Variants in EIPR1 observed in about 807,000 individuals in gnomAD.
EIPR1 encodes the protein EARP complex and GARP complex interacting protein 1, also known as EARP and GARP complex-interacting protein 1.
Under a neutral mutation model 48.1 loss-of-function variants are expected in EIPR1, and 25 were observed. That is an observed-to-expected ratio of 0.52 (90% CI 0.38 to 0.73). EIPR1 has a LOEUF of 0.73. Among genes scored for constraint, EIPR1 ranks in the 30% least tolerant of loss-of-function variants. The pLI is 0.00. For missense variants in EIPR1, 415 were observed against 506.2 expected, an observed-to-expected ratio of 0.82 and a Z score of 1.73; for synonymous variants, 204 against 201.9, an observed-to-expected ratio of 1.01 and a Z score of -0.09.
At chr2:3,202,029 C>T (rs985727497) in intron 5 of EIPR1, among the ~76,000 whole-genome samples, 3 of 152,124 alleles carry the variant, frequency 2.0e-5, no homozygotes, top group African/African-American at 7.2e-5. Context: ...CTCCAATTCC[C>T]GGGGTTCACG....
chr2:3,375,865 C>T (rs916837925), intron 1 of EIPR1, among the ~76,000 whole-genome samples: 1 of 152,212 alleles, frequency 6.6e-6, no homozygotes, highest in African/African-American at 2.4e-5. Context: ...AGAGCTAAAT[C>T]ACTGGTAGTT....
intron 5 of EIPR1, among the ~76,000 whole-genome samples, chr2:3,205,217 T>A (rs1251196751): frequency 3.3e-5 from 5 of 152,126 alleles, no homozygotes; most frequent in African/African-American, 1.2e-4. Flanking sequence ...CCCGTTCCCA[T>A]CCCATCCTCA....
intron 1 of EIPR1, among the ~76,000 whole-genome samples, chr2:3,355,629 T>C (rs1041034450): frequency 6.6e-6 from 1 of 151,930 alleles, no homozygotes; most frequent in East Asian, 1.9e-4. Flanking sequence ...CTGGGCAATA[T>C]AGCAAGACTC....
chr2:3,257,155 A>T, intron 4 of EIPR1, 144 bp downstream of exon 4: 2 of 1,064,804 alleles, frequency 1.9e-6, no homozygotes, highest in Non-Finnish European at 2.6e-6. Flanking sequence ...GACTAAAATT[A>T]AAAATCAAAT....
intron 4 of EIPR1, among the ~76,000 whole-genome samples, chr2:3,255,575 C>T (rs541926056): frequency 2.0e-4 from 30 of 152,342 alleles, no homozygotes; most frequent in African/African-American, 6.7e-4. Context: ...CCCATGTGGC[C>T]TGTCTTTGCA....
In EIPR1 at chr2:3,377,631, C is replaced by A; in HGVS notation, c.42+17G>T. ...CAGCCAGGCCGAGCAGCACCTGCCG[C>A]CCTCCCAGTGACCCACCTGGAACTC... On this transcript the variant is annotated intron_variant, in intron 1 of 8. Transcript: ENST00000382125. 1 of 1,566,868 alleles carries A rather than the reference C, an allele frequency of 6.4e-7. No homozygotes were observed. The highest frequency in any genetic ancestry group is 1.2e-5 in the South Asian group (1 of 85,252).
In EIPR1 at chr2:3,223,328, G is replaced by A. The variant is rs116598307; in HGVS notation, c.417-9080C>T. On this transcript the variant is annotated intron_variant, in intron 4 of 8. Transcript: ENST00000382125. ...CACATGCAACACATTGATCACCACC[G>A]GCACCCGGGTTCCTGGCCAGACTCT... 7.2e-3 allele frequency among the ~76,000 whole-genome samples: 1,100 copies of A among 152,144 alleles called. 14 individuals carry two copies. The highest frequency in any genetic ancestry group is 0.026 in the African/African-American group (1,060 of 41,508).
chr2:3,254,992 A>G (rs922223973), intron 4 of EIPR1, among the ~76,000 whole-genome samples: 4 of 152,196 alleles, frequency 2.6e-5, no homozygotes, highest in African/African-American at 4.8e-5. Context: ...TGTTACTCCT[A>G]TAACTATATG....
chr2:3,343,355 G>A (rs181234691), intron 2 of EIPR1, among the ~76,000 whole-genome samples: 35 of 152,320 alleles, frequency 2.3e-4, no homozygotes, highest in Middle Eastern at 3.4e-3. Context: ...GGCCGGCTCC[G>A]AAAACAAGCA....
intron 5 of EIPR1, among the ~76,000 whole-genome samples, chr2:3,203,903 A>T (rs1665134822): frequency 6.6e-6 from 1 of 152,232 alleles, no homozygotes; most frequent in Non-Finnish European, 1.5e-5. Context: ...ACATCCGACC[A>T]GCAGCAAGCC....
intron 5 of EIPR1, among the ~76,000 whole-genome samples, chr2:3,210,228 A>T (rs887083153): frequency 1.3e-5 from 2 of 152,208 alleles, no homozygotes; most frequent in African/African-American, 4.8e-5. Flanking sequence ...CCTACTAAAA[A>T]GAGGAAAAGA....
intron 2 of EIPR1, among the ~76,000 whole-genome samples, chr2:3,340,873 G>C (rs1323008481): frequency 1.3e-5 from 2 of 152,076 alleles, no homozygotes; most frequent in Non-Finnish European, 2.9e-5. Context: ...AAGATGGGTA[G>C]ATCACCTGAG....
At chr2:3,208,573 T>G (rs1223545530) in intron 5 of EIPR1, 1 of 1,550,592 alleles carries the variant, frequency 6.4e-7, no homozygotes, top group South Asian at 1.2e-5. Flanking sequence ...GGAAAAGTCC[T>G]TATTACCCTC....
chr2:3,220,678 A>AG (rs1416158358), intron 4 of EIPR1, among the ~76,000 whole-genome samples: 2 of 152,020 alleles, frequency 1.3e-5, no homozygotes, highest in East Asian at 3.9e-4. Context: ...ATTCACAGTG[A>AG]CTCAGGAACA....
At chr2:3,358,027 G>A (rs1670769772) in intron 1 of EIPR1, among the ~76,000 whole-genome samples, 1 of 152,144 alleles carries the variant, frequency 6.6e-6, no homozygotes, top group African/African-American at 2.4e-5. Context: ...TGTTATGGCA[G>A]CAACAGGAAA....
At chr2:3,215,399 G>A (rs903103442) in intron 4 of EIPR1, among the ~76,000 whole-genome samples, 1 of 152,228 alleles carries the variant, frequency 6.6e-6, no homozygotes, top group Non-Finnish European at 1.5e-5. Flanking sequence ...AGGCTCAGGG[G>A]TGATGTTAAG....
intron 4 of EIPR1, among the ~76,000 whole-genome samples, chr2:3,217,959 G>A (rs1479143500): frequency 2.0e-5 from 3 of 152,156 alleles, no homozygotes; most frequent in Admixed American, 6.5e-5. Context: ...ACGTGAGTCC[G>A]GGGCACACCC....
intron 4 of EIPR1, among the ~76,000 whole-genome samples, chr2:3,215,623 A>C (rs1041766177): frequency 1.3e-5 from 2 of 152,256 alleles, no homozygotes; most frequent in African/African-American, 2.4e-5. Flanking sequence ...CTTATTTATA[A>C]AGAAAGGAAT....
intron 3 of EIPR1, 37 bp from the exon 4 acceptor site, chr2:3,257,492 C>T (rs770252237): frequency 1.2e-6 from 2 of 1,608,562 alleles, no homozygotes; most frequent in East Asian, 2.2e-5. Context: ...GTCAACAGAG[C>T]ACGGTGTGCC....
Sources: gnomAD v4.1 joint callset for allele counts (sites outside exome capture counted in the v4.1 genomes callset) on GRCh38, gnomAD v4.1.1 for gene constraint, MANE v1.5 for transcripts, NCBI Gene and HGNC (gene_info 2026-07-23, HGNC 2026-07-21) for gene names.